The following CPSF6 variants were observed in gnomAD, a reference collection of about 807,000 sequenced individuals.
CPSF6 encodes cleavage and polyadenylation specific factor 6.
In CPSF6, 10 loss-of-function variants were observed where a neutral mutation model predicts 56.7. The observed-to-expected ratio is 0.18, with a 90% confidence interval of 0.11 to 0.30. The LOEUF (loss-of-function observed/expected upper bound fraction) is 0.30. Among genes scored for constraint, CPSF6 ranks in the 10% least tolerant of loss-of-function variants. CPSF6 has a pLI of 1.00. For synonymous variants in CPSF6, 248 were observed against 244.8 expected (o/e 1.01, Z -0.12); for missense variants, 419 against 722.9 (o/e 0.58, Z 4.82).
At position 69,273,189 on chromosome 12, in the gene CPSF6, G is replaced by A. The variant is rs563490656; in HGVS notation, c.*3681G>A. Reference sequence around the variant, plus strand: ...CTTATACTCTTCTTTCTTGGCATTAGAAAGAAGCAATATGAATTTTTGTGA... The same window carrying A: ...CTTATACTCTTCTTTCTTGGCATTAAAAAGAAGCAATATGAATTTTTGTGA... On this transcript the variant is annotated 3_prime_UTR_variant, in exon 10 of 10. Transcript: ENST00000435070. The A allele has an allele frequency of 3.9e-6, 2 of 516,706 alleles. No homozygotes were observed. Among genetic ancestry groups the A allele is most frequent in the East Asian group, 1.1e-4 (2 of 17,862 alleles). 32.0% of individuals were successfully genotyped at this position (516,706 alleles called of 1,614,324 possible).
At chr12:69,261,667 ATAT>A (rs1456424175) in intron 8 of CPSF6, among the ~76,000 whole-genome samples, 1 of 152,108 alleles carries the variant, frequency 6.6e-6, no homozygotes, top group Admixed American at 6.5e-5. Context: ...CAAGACATAA[ATAT>A]TATTTCGTAG....
intron 9 of CPSF6, among the ~76,000 whole-genome samples, chr12:69,266,605 G>A (rs538952413): frequency 6.6e-6 from 1 of 152,044 alleles, no homozygotes; most frequent in Admixed American, 6.6e-5. Flanking sequence ...TTTAGTTAAC[G>A]TTGTTTAAAG....
Position 69,262,245 on chromosome 12 carries a change from A to G in CPSF6, c.1470-128A>G, listed in dbSNP as rs1592808602. 4 of 1,166,230 alleles carry G rather than the reference A, an allele frequency of 3.4e-6. No individual in the cohort carries two copies. In the Admixed American group the frequency reaches 1.2e-4, roughly 34 times the overall value. 72.2% of individuals were successfully genotyped at this position (1,166,230 alleles called of 1,614,324 possible). ...GTTGGTAAGTCGTTATTGGCAGCTC[A>G]GGATAGTAAGTTTAAACCAGATTTA... On this transcript the variant is annotated intron_variant, in intron 8 of 9. Coordinates refer to ENST00000435070, the MANE Select transcript of CPSF6 (RefSeq NM_007007.3).
intron 1 of CPSF6, among the ~76,000 whole-genome samples, chr12:69,244,207 A>G (rs1165266293): frequency 2.6e-5 from 4 of 152,172 alleles, no homozygotes; most frequent in Non-Finnish European, 4.4e-5. Flanking sequence ...TTTTCTTTAT[A>G]TCCTTATACT....
Position 69,259,491 on chromosome 12 carries a change from T to C in CPSF6, c.1263T>C (p.Asn421=), listed in dbSNP as rs1002274502. 1.9e-6 allele frequency: 3 copies of C among 1,613,712 alleles called. No individual in the cohort carries two copies. The African/African-American group carries it at 4.0e-5, about 22-fold the overall frequency. ...EAEFEEIMNR[N]RAISSSAISR... ...AATTTGAAGAAATCATGAATAGAAA[T>C]AGGGCAATCTCAAGCAGTGCTATTT... Residue 421 remains asparagine, a synonymous_variant, in exon 7 of 10, where the codon AAT becomes AAC. Transcript: ENST00000435070.
At chr12:69,241,728 G>C (rs1427968707) in intron 1 of CPSF6, among the ~76,000 whole-genome samples, 1 of 152,140 alleles carries the variant, frequency 6.6e-6, no homozygotes, top group Non-Finnish European at 1.5e-5. Flanking sequence ...TCAATGATTT[G>C]TATAAGGTAC....
At chr12:69,243,736 T>A (rs561636739) in intron 1 of CPSF6, among the ~76,000 whole-genome samples, 17 of 152,314 alleles carry the variant, frequency 1.1e-4, no homozygotes, top group African/African-American at 4.1e-4. Context: ...AATGTGAAGA[T>A]CTGGGACATG....
Position 69,272,295 on chromosome 12 carries a change from A to T in CPSF6, c.*2787A>T, listed in dbSNP as rs574173646. 18 of 151,772 alleles carry T rather than the reference A, an allele frequency of 1.2e-4. No individual in the cohort carries two copies. Among genetic ancestry groups the T allele is most frequent in the African/African-American group, 4.3e-4 (18 of 41,506 alleles). 9.4% of individuals were successfully genotyped at this position (151,772 alleles called of 1,614,324 possible). The stretch of plus-strand genomic sequence containing the variant: ...AATTTGGAATACACAGATAACTTGT[A>T]GCTTAAGATACTATTTTCATTTAAT... On this transcript the variant is annotated 3_prime_UTR_variant, in exon 10 of 10. Coordinates refer to ENST00000435070, the MANE Select transcript of CPSF6 (RefSeq NM_007007.3).
rs1368131025 is a variant in CPSF6 at position 69,257,741 on chromosome 12, CA to C, written c.531del (p.Gly178AspfsTer64). 6.2e-7 allele frequency: 1 copy of C among 1,606,666 alleles called. No individual in the cohort carries two copies. Among genetic ancestry groups the C allele is most frequent in the Non-Finnish European group, 8.5e-7 (1 of 1,178,184 alleles). On this transcript the variant is annotated frameshift_variant, in exon 5 of 10. Coordinates refer to ENST00000435070, the MANE Select transcript of CPSF6 (RefSeq NM_007007.3). LOFTEE classifies it high-confidence loss of function. ...FEMQSRKTTQ[S>X]GQMSGEGKAG... ...ATTTGGATATTTGCAGCTACACAAT[CA>C]GGACAAATGTCTGGGGAAGGTAAAG...
At chr12:69,266,520 T>G (rs1212188069) in intron 9 of CPSF6, among the ~76,000 whole-genome samples, 1 of 152,244 alleles carries the variant, frequency 6.6e-6, no homozygotes, top group Non-Finnish European at 1.5e-5. Flanking sequence ...CACCGTCATC[T>G]CAGTGTTAAA....
chr12:69,246,822 G>T (rs573131702), intron 1 of CPSF6, among the ~76,000 whole-genome samples: 1 of 152,100 alleles, frequency 6.6e-6, no homozygotes, highest in East Asian at 1.9e-4. Context: ...CACGAATTTT[G>T]TATGTATTTA....
intron 1 of CPSF6, among the ~76,000 whole-genome samples, chr12:69,245,934 A>G (rs944447643): frequency 1.3e-5 from 2 of 152,190 alleles, no homozygotes; most frequent in Non-Finnish European, 2.9e-5. Flanking sequence ...TAAAAATACA[A>G]AATTTAGCCA....
intron 9 of CPSF6, among the ~76,000 whole-genome samples, chr12:69,263,539 A>G (rs1290322557): frequency 6.6e-6 from 1 of 152,106 alleles, no homozygotes; most frequent in East Asian, 1.9e-4. Flanking sequence ...GTTGGTTGGC[A>G]TATTCAAATT....
chr12:69,252,071 A>G (rs895048763), intron 2 of CPSF6: 4 of 455,594 alleles, frequency 8.8e-6, no homozygotes, highest in African/African-American at 6.0e-5. Flanking sequence ...TTTTATTTAC[A>G]TTTCTTTTTT....
At chr12:69,253,003 A>C (rs1872323952) in intron 2 of CPSF6, 48 bp from the exon 3 acceptor site, 3 of 1,089,966 alleles carry the variant, frequency 2.8e-6, no homozygotes, top group African/African-American at 1.6e-5. Flanking sequence ...GGATAATAAA[A>C]ATCTTGGTTT....
chr12:69,252,931 G>C, intron 2 of CPSF6, 120 bp from the exon 3 acceptor site: 1 of 595,264 alleles, frequency 1.7e-6, no homozygotes, highest in Admixed American at 3.5e-5. Flanking sequence ...ACTAGACTTA[G>C]ATTTGCACTC....
At position 69,249,353 on chromosome 12, in the gene CPSF6, A is replaced by G. The variant is rs202201368; in HGVS notation, c.61-1776A>G. 2.0e-5 allele frequency among the ~76,000 whole-genome samples: 3 copies of G among 152,236 alleles called. No homozygotes were observed. In the East Asian group the frequency reaches 5.8e-4, roughly 29 times the overall value. On this transcript the variant is annotated intron_variant, in intron 1 of 9. Transcript: ENST00000435070. ...TATTCTGGCTCTCCTTTAAATAGCA[A>G]AACAGTAGCCTGGGCCCATAATATC...
chr12:69,249,161 G>A lies in CPSF6; in HGVS notation c.61-1968G>A, dbSNP rs1001398824. On this transcript the variant is annotated intron_variant, in intron 1 of 9. Transcript: ENST00000435070. Reference sequence around the variant, plus strand: ...TGTAGTCCCAGCTACTCGGGGGGGGGGGGGGGGGCTGAGGCAGGAGAATGG... The same window carrying A: ...TGTAGTCCCAGCTACTCGGGGGGGGAGGGGGGGGCTGAGGCAGGAGAATGG... 2.8e-5 allele frequency among the ~76,000 whole-genome samples: 2 copies of A among 72,712 alleles called. 1 individual carries two copies. Among genetic ancestry groups the A allele is most frequent in the African/African-American group, 9.6e-5 (2 of 20,908 alleles). The allele number at this position is 72,712 out of a possible 152,430, so 47.7% of individuals were successfully genotyped here.
Position 69,257,772 on chromosome 12 carries a change from T to G in CPSF6, c.561T>G (p.Gly187=), listed in dbSNP as rs1592804131. The G allele has an allele frequency of 6.2e-7, 1 of 1,612,906 alleles. No homozygotes were observed. The highest frequency in any genetic ancestry group is 8.5e-7 in the Non-Finnish European group (1 of 1,179,776). The part of the protein sequence containing the change: ...SGQMSGEGKA[G]PPGGSSRAAF... The stretch of plus-strand genomic sequence containing the variant: ...AAATGTCTGGGGAAGGTAAAGCTGG[T>G]CCTCCAGGAGGCAGTTCCCGTGCAG... The change falls in exon 5 of 10, where the codon GGT becomes GGG. Residue 187 remains glycine, a synonymous_variant. Transcript: ENST00000435070.
Sources: allele counts gnomAD v4.1 joint callset (sites outside exome capture counted in the v4.1 genomes callset), GRCh38; gene constraint gnomAD v4.1.1; transcripts MANE v1.5; gene names NCBI Gene and HGNC (gene_info 2026-07-23, HGNC 2026-07-21).